MGST1: variants seen among roughly 807,000 people sequenced by gnomAD.
The protein encoded by MGST1 is glutathione S-transferase 12.
A neutral mutation model predicts 8.9 loss-of-function variants in MGST1; 5 were observed. The ratio of observed to expected loss-of-function variants is 0.56; its 90% CI spans 0.29 to 1.19. The LOEUF (loss-of-function observed/expected upper bound fraction) is 1.19. Ranked by LOEUF, MGST1 falls within the 50% of genes most tolerant of loss-of-function variation. The pLI is 0.08. For missense variants in MGST1, 182 were observed against 187.4 expected, an observed-to-expected ratio of 0.97 and a Z score of 0.17; for synonymous variants, 54 against 67.8, an observed-to-expected ratio of 0.80 and a Z score of 1.00.
chr12:16,382,829 A>C (rs1289878528), exon 1 of MGST1: 1 of 152,928 alleles, frequency 6.5e-6, no homozygotes, highest in Non-Finnish European at 1.5e-5. Context: ...CTAATCAAAC[A>C]ACTAACTCAG....
intron 4 of MGST1, among the ~76,000 whole-genome samples, chr12:16,479,679 G>A (rs1565462079): frequency 6.6e-6 from 1 of 151,766 alleles, no homozygotes; most frequent in East Asian, 1.9e-4. Context: ...GACTACAGGT[G>A]CATGCCATCG....
chr12:16,566,820 A>G (rs1360724002), intron 4 of MGST1, among the ~76,000 whole-genome samples: 1 of 152,204 alleles, frequency 6.6e-6, no homozygotes, highest in African/African-American at 2.4e-5. Context: ...ACATGCACAT[A>G]CACACATAAT....
chr12:16,544,866 T>C lies in MGST1; in HGVS notation n.483-44662T>C, dbSNP rs923003452. On this transcript the variant is annotated intron_variant and non_coding_transcript_variant, in intron 4 of 4. Transcript: ENST00000538857. This position sits in a 1 kb window ranked among gnomAD's most constrained non-coding sequence, Gnocchi z 4.8. ...AATTATCGGCTAACTTGATGTGCAC[T>C]GGCTGAAGTTTGCATCATTTTGGAC... 6.6e-6 allele frequency among the ~76,000 whole-genome samples: 1 copy of C among 152,054 alleles called. No homozygotes were observed. Among genetic ancestry groups the C allele is most frequent in the Admixed American group, 6.6e-5 (1 of 15,256 alleles).
At chr12:16,403,447 A>T (rs1940676240) in intron 1 of MGST1, among the ~76,000 whole-genome samples, 1 of 152,120 alleles carries the variant, frequency 6.6e-6, no homozygotes, top group South Asian at 2.1e-4. Context: ...TGTTCTGCAG[A>T]TGTTCCAAGT....
At chr12:16,368,324 A>G (rs775066852), downstream of MGST1, among the ~76,000 whole-genome samples, 4 of 152,334 alleles carry the variant, frequency 2.6e-5, no homozygotes, top group Non-Finnish European at 4.4e-5. Context: ...GAAACCAAAA[A>G]GAAAGTTTTC....
intron 4 of MGST1, among the ~76,000 whole-genome samples, chr12:16,532,290 G>C (rs1247008199): frequency 6.6e-6 from 1 of 152,024 alleles, no homozygotes; most frequent in Non-Finnish European, 1.5e-5. Flanking sequence ...TTGTTTGCTT[G>C]CTTGGGGCAT....
intron 4 of MGST1, chr12:16,514,437 A>C (rs550747696): frequency 4.7e-4 from 132 of 277,934 alleles, no homozygotes; most frequent in African/African-American, 2.9e-3. Context: ...CATCATTAGC[A>C]TGCAGACTCA....
At chr12:16,558,709 C>T (rs1591773379) in intron 4 of MGST1, among the ~76,000 whole-genome samples, 1 of 152,100 alleles carries the variant, frequency 6.6e-6, no homozygotes, top group African/African-American at 2.4e-5. Context: ...TTATAAGGTA[C>T]ATTAGGCAAC....
chr12:16,591,130 C>G (rs894564960), downstream of MGST1, among the ~76,000 whole-genome samples: 1 of 151,764 alleles, frequency 6.6e-6, no homozygotes, highest in African/African-American at 2.4e-5. This position sits in a 1 kb window ranked among gnomAD's most constrained non-coding sequence, Gnocchi z 4.1. Flanking sequence ...TTTGTTGCAA[C>G]AGTGATAGGT....
At chr12:16,552,749 G>C (rs1319945041) in intron 4 of MGST1, among the ~76,000 whole-genome samples, 3 of 152,022 alleles carry the variant, frequency 2.0e-5, no homozygotes, top group African/African-American at 7.2e-5. Context: ...GTTGTTTGTG[G>C]TCAAAGCTAC....
chr12:16,550,274 G>A (rs1220991399), intron 4 of MGST1: 1 of 152,384 alleles, frequency 6.6e-6, no homozygotes, highest in African/African-American at 2.4e-5. Flanking sequence ...GATCTGGGCA[G>A]AATTTATACA....
At chr12:16,450,359 A>G (rs1425725221) in intron 4 of MGST1, among the ~76,000 whole-genome samples, 1 of 151,866 alleles carries the variant, frequency 6.6e-6, no homozygotes, top group Non-Finnish European at 1.5e-5. Context: ...TTCTCCTTCA[A>G]GAGGAAGACA....
chr12:16,441,898 G>A (rs112286303), downstream of MGST1, among the ~76,000 whole-genome samples: 5,054 of 151,880 alleles, frequency 0.033, 215 homozygotes, highest in African/African-American at 0.1. Context: ...TTTGTTGGAA[G>A]CTGCCAAACT....
chr12:16,391,657 G>A (rs1404863518), intron 1 of MGST1, among the ~76,000 whole-genome samples: 1 of 152,170 alleles, frequency 6.6e-6, no homozygotes, highest in Non-Finnish European at 1.5e-5. Flanking sequence ...TTTGTCAGAT[G>A]CATAGTTTGC....
intron 4 of MGST1, among the ~76,000 whole-genome samples, chr12:16,481,095 T>C (rs1941361542): frequency 6.6e-6 from 1 of 151,892 alleles, no homozygotes; most frequent in African/African-American, 2.4e-5. Flanking sequence ...CTGTGCCCTA[T>C]CCTGAAAAAA....
chr12:16,499,493 TTCAA>T (rs1216308364), intron 4 of MGST1, among the ~76,000 whole-genome samples: 2 of 152,098 alleles, frequency 1.3e-5, no homozygotes, highest in Non-Finnish European at 2.9e-5. Flanking sequence ...CTGTTAGTGT[TTCAA>T]TCAGATTTGG....
At chr12:16,508,847 C>T (rs1158671676) in intron 4 of MGST1, among the ~76,000 whole-genome samples, 1 of 152,138 alleles carries the variant, frequency 6.6e-6, no homozygotes, top group Non-Finnish European at 1.5e-5. Flanking sequence ...ATTGTATAGG[C>T]ACTGTTTTAG....
At chr12:16,481,355 A>G (rs544409942) in intron 4 of MGST1, among the ~76,000 whole-genome samples, 1 of 152,310 alleles carries the variant, frequency 6.6e-6, no homozygotes, top group South Asian at 2.1e-4. Context: ...TAGAGGAGCA[A>G]TGCATGACTC....
chr12:16,530,783 T>G (rs747424918), intron 4 of MGST1, among the ~76,000 whole-genome samples: 2 of 152,078 alleles, frequency 1.3e-5, no homozygotes, highest in East Asian at 3.9e-4. Context: ...GCAAGTAGTT[T>G]TGAAGGTACC....
Sources: allele counts gnomAD v4.1 joint callset (sites outside exome capture counted in the v4.1 genomes callset), GRCh38; gene constraint gnomAD v4.1.1; non-coding constraint Gnocchi (gnomAD v3.1); transcripts MANE v1.5; gene names NCBI Gene and HGNC (gene_info 2026-07-23, HGNC 2026-07-21).